NCK1: variants seen among roughly 807,000 people sequenced by gnomAD.
NCK1 encodes SH2/SH3 adapter protein NCK1.
NCK1 carries 19 observed loss-of-function variants against 36.6 expected under a neutral mutation model. That is an observed-to-expected ratio of 0.52 (90% confidence interval 0.36 to 0.76). The LOEUF (loss-of-function observed/expected upper bound fraction) is 0.76. Among genes scored for constraint, NCK1 ranks in the 30% least tolerant of loss-of-function variants. The probability of loss-of-function intolerance (pLI) is 0.00; values close to 1 mark genes in which losing one functional copy is unlikely to be tolerated. For missense variants in NCK1, 358 were observed against 445.6 expected, an observed-to-expected ratio of 0.80 and a Z score of 1.77; for synonymous variants, 165 against 156.0, an observed-to-expected ratio of 1.06 and a Z score of -0.43.
At chr3:136,873,031 G>T (rs751039709) in intron 1 of NCK1, among the ~76,000 whole-genome samples, 8 of 152,224 alleles carry the variant, frequency 5.3e-5, no homozygotes, top group Non-Finnish European at 1.2e-4. Context: ...CCCACACAGA[G>T]TTCCTACTCG....
intron 1 of NCK1, among the ~76,000 whole-genome samples, chr3:136,897,452 T>C (rs2108095822): frequency 6.6e-6 from 1 of 152,336 alleles, no homozygotes; most frequent in East Asian, 1.9e-4. Context: ...CATGTGGTTT[T>C]TATTTGCATT....
At position 136,929,683 on chromosome 3, in the gene NCK1, G is replaced by A. The variant is rs182459225; in HGVS notation, c.226+1456G>A. Among the ~76,000 whole-genome samples, 45 of 152,214 alleles carry A rather than the reference G, an allele frequency of 3.0e-4. No homozygotes were observed. The Middle Eastern group carries it at 0.01, about 35-fold the overall frequency. On this transcript the variant is annotated intron_variant, in intron 2 of 3. Transcript: ENST00000481752. ...AAGAAAGTATGCCTCATAGTGATAC[G>A]TGCACAGGGTACTAAGACATACCCA...
intron 1 of NCK1, among the ~76,000 whole-genome samples, chr3:136,895,947 G>A (rs956653095): frequency 1.3e-5 from 2 of 152,060 alleles, no homozygotes; most frequent in Non-Finnish European, 2.9e-5. Context: ...CTGGATTTTT[G>A]TCATCTTGCT....
intron 2 of NCK1, among the ~76,000 whole-genome samples, chr3:136,938,937 A>C (rs1312946013): frequency 6.6e-6 from 1 of 152,202 alleles, no homozygotes; most frequent in African/African-American, 2.4e-5. Flanking sequence ...TTTCTAAGTG[A>C]TATTAGCCAG....
intron 1 of NCK1, among the ~76,000 whole-genome samples, chr3:136,893,198 A>ACACACACACACACACACACACCATATT (rs1347213828): frequency 2.3e-5 from 3 of 132,266 alleles, no homozygotes; most frequent in East Asian, 2.4e-4. Context: ...ATATACACAC[A>ACACACACACACACACACACACCATATT]TGTGCAAGTA....
chr3:136,944,418 G>A (rs1940758858), intron 2 of NCK1, among the ~76,000 whole-genome samples: 1 of 151,982 alleles, frequency 6.6e-6, no homozygotes, highest in Non-Finnish European at 1.5e-5. Flanking sequence ...GTGCCCAGCC[G>A]GGAAAGACAA....
At chr3:136,941,265 A>T (rs900757966) in intron 2 of NCK1, among the ~76,000 whole-genome samples, 1 of 151,780 alleles carries the variant, frequency 6.6e-6, no homozygotes, top group Non-Finnish European at 1.5e-5. Flanking sequence ...AGCTGGGACT[A>T]CAGGTGCATG....
At chr3:136,878,324 G>A (rs184084692) in intron 1 of NCK1, among the ~76,000 whole-genome samples, 18 of 152,258 alleles carry the variant, frequency 1.2e-4, no homozygotes, top group African/African-American at 2.6e-4. Flanking sequence ...CAGGAGAGTC[G>A]TTTGAACTGG....
intron 2 of NCK1, among the ~76,000 whole-genome samples, chr3:136,937,483 C>T (rs568943541): frequency 1.1e-3 from 163 of 152,238 alleles, no homozygotes; most frequent in African/African-American, 3.7e-3. Flanking sequence ...TTAGAATCAG[C>T]CTTTTCATTT....
rs778419590 is a variant in NCK1 at position 136,945,990 on chromosome 3, G to A, written c.634G>A (p.Glu212Lys). The A allele has an allele frequency of 5.0e-6, 8 of 1,613,806 alleles. No individual in the cohort carries two copies. The highest frequency in any genetic ancestry group is 1.3e-5 in the African/African-American group (1 of 74,834). The change falls in exon 3 of 4, where the codon GAG becomes AAG. Residue 212 changes from glutamate to lysine, a missense_variant. Transcript: ENST00000481752. ...ATCTAATGATGAAGAACTTAATTTC[G>A]AGAAAGGAGATGTAATGGATGTTAT... ...SSSNDEELNF[E>K]KGDVMDVIEK... is the part of the protein sequence containing the mutation.
At position 136,945,942 on chromosome 3, in the gene NCK1, C is replaced by A; in HGVS notation, c.586C>A (p.Gln196Lys). Residue 196 changes from glutamine to lysine, a missense_variant, in exon 3 of 4, where the codon CAG (glutamine) becomes AAG (lysine). By Grantham distance (53) the Gln-to-Lys change is moderately conservative. Transcript: ENST00000481752. ...TACTGGGCAAGTGTTGCATGTGGTACAGGCTCTTTACCCATTCAGCTCATC... is the reference window on the plus strand; with the variant it reads ...TACTGGGCAAGTGTTGCATGTGGTAAAGGCTCTTTACCCATTCAGCTCATC... ...LNTGQVLHVV[Q>K]ALYPFSSSND... is the part of the protein sequence containing the mutation. 1 of 1,613,942 alleles carries A rather than the reference C, an allele frequency of 6.2e-7. No individual in the cohort carries two copies. The highest frequency in any genetic ancestry group is 8.5e-7 in the Non-Finnish European group (1 of 1,179,972).
chr3:136,925,920 G>A (rs1017666049), intron 1 of NCK1, among the ~76,000 whole-genome samples: 13 of 152,136 alleles, frequency 8.5e-5, no homozygotes, highest in Non-Finnish European at 1.6e-4. Flanking sequence ...ACAATTTTGC[G>A]GAGTATCTGT....
At chr3:136,888,640 G>A (rs1005764370) in intron 1 of NCK1, among the ~76,000 whole-genome samples, 1 of 151,892 alleles carries the variant, frequency 6.6e-6, no homozygotes, top group Non-Finnish European at 1.5e-5. Context: ...TTGACCTCGC[G>A]AGCCACCGCA....
chr3:136,930,707 C>A, intron 2 of NCK1: 1 of 859,646 alleles, frequency 1.2e-6, no homozygotes, highest in East Asian at 3.3e-5. Flanking sequence ...TAAGCTACTA[C>A]ATTATGTGTA....
rs1940957588 is a variant in NCK1 at position 136,950,980 on chromosome 3, A to C, written c.*2527A>C. ...TTAGGATTCAGCTGAATATATATTC[A>C]CACATGTATATTACACATATATCAC... On this transcript the variant is annotated 3_prime_UTR_variant, in exon 4 of 4. Transcript: ENST00000481752. 6.6e-6 allele frequency among the ~76,000 whole-genome samples: 1 copy of C among 152,284 alleles called. No individual in the cohort carries two copies. The highest frequency in any genetic ancestry group is 1.5e-5 in the Non-Finnish European group (1 of 68,004).
At chr3:136,897,032 A>G (rs1200027500) in intron 1 of NCK1, among the ~76,000 whole-genome samples, 1 of 152,116 alleles carries the variant, frequency 6.6e-6, no homozygotes, top group Non-Finnish European at 1.5e-5. Context: ...CCAACACTGT[A>G]TAAGAGTTCC....
chr3:136,897,646 G>A (rs1049602835), intron 1 of NCK1, among the ~76,000 whole-genome samples: 1 of 151,990 alleles, frequency 6.6e-6, no homozygotes, highest in African/African-American at 2.4e-5. Flanking sequence ...TGAATAGTTC[G>A]CACATATTTT....
intron 2 of NCK1, among the ~76,000 whole-genome samples, chr3:136,944,396 G>T (rs1392851270): frequency 1.3e-5 from 2 of 152,136 alleles, no homozygotes; most frequent in African/African-American, 2.4e-5. Context: ...GGGATTACTG[G>T]CATGAGCCAC....
At chr3:136,927,508 C>T (rs917323601) in intron 1 of NCK1, among the ~76,000 whole-genome samples, 1 of 152,086 alleles carries the variant, frequency 6.6e-6, no homozygotes. Context: ...AGAGCAACAC[C>T]AGTCTCTTTA....
Sources: gnomAD v4.1 joint callset for allele counts (sites outside exome capture counted in the v4.1 genomes callset) on GRCh38, gnomAD v4.1.1 for gene constraint, MANE v1.5 for transcripts, NCBI Gene and HGNC (gene_info 2026-07-23, HGNC 2026-07-21) for gene names.